CDIP1: variants seen among roughly 807,000 people sequenced by gnomAD.
CDIP1 encodes cell death inducing p53 target 1.
A neutral mutation model predicts 17.7 loss-of-function variants in CDIP1; 9 were observed. The ratio of observed to expected loss-of-function variants is 0.51; its 90% CI spans 0.31 to 0.89. CDIP1 has a LOEUF of 0.89. CDIP1 is among the 40% of genes least tolerant of loss of function. The pLI is 0.05. For missense variants in CDIP1, 263 were observed against 277.9 expected (o/e 0.95, Z 0.38); for synonymous variants, 117 against 109.5 (o/e 1.07, Z -0.43).
rs1471358458 is a variant in CDIP1, at chr16:4,513,637, G to A, written c.241+59C>T. 9.4e-6 allele frequency: 14 copies of A among 1,491,466 alleles called. No homozygotes were observed. The highest frequency in any genetic ancestry group is 2.1e-4 in the Middle Eastern group (1 of 4,778). 92.4% of individuals were successfully genotyped at this position (1,491,466 alleles called of 1,614,324 possible). A position where few individuals can be genotyped will look rare whatever the true frequency, so the allele number is the denominator to read the frequency against. On this transcript the variant is annotated intron_variant, in intron 4 of 5. Transcript: ENST00000567695. This position sits in a 1 kb window ranked among gnomAD's most constrained non-coding sequence, Gnocchi z 4.1. The stretch of plus-strand genomic sequence containing the variant: ...CCCACCTGTACTGAGGACAGCCAGC[G>A]CAGGCCAGACAGCAGCCAGGAGTTC...
intron 1 of CDIP1, among the ~76,000 whole-genome samples, chr16:4,527,356 C>T (rs1185410096): frequency 2.0e-5 from 3 of 152,004 alleles, no homozygotes; most frequent in Middle Eastern, 6.3e-3. Context: ...CAAAGTGCTG[C>T]GATTACAGGC....
intron 1 of CDIP1, chr16:4,536,349 C>T (rs1248372186): frequency 6.6e-6 from 1 of 152,196 alleles, no homozygotes; most frequent in Non-Finnish European, 1.5e-5. Context: ...AGTCCATCAA[C>T]ACCATGAGCT....
intron 1 of CDIP1, among the ~76,000 whole-genome samples, chr16:4,531,554 C>T (rs1167730708): frequency 6.6e-6 from 1 of 152,166 alleles, no homozygotes; most frequent in Non-Finnish European, 1.5e-5. Flanking sequence ...TACTAAGCAC[C>T]CATGGAAGAC....
chr16:4,534,127 T>A (rs934046555), intron 1 of CDIP1, among the ~76,000 whole-genome samples: 6 of 151,998 alleles, frequency 3.9e-5, no homozygotes, highest in African/African-American at 1.4e-4. Flanking sequence ...ATTTTTGTAT[T>A]TTTAGTAGAG....
Position 4,512,324 on chromosome 16 carries a change from C to G in CDIP1, c.*248G>C. The G allele has an allele frequency of 3.5e-6, 2 of 578,334 alleles. No homozygotes were observed. Among genetic ancestry groups the G allele is most frequent in the South Asian group, 2.0e-5 (1 of 49,680 alleles). The allele number at this position is 578,334 out of a possible 1,614,324, so 35.8% of individuals were successfully genotyped here. ...TATCTTCCCGATCACACACACCAAG[C>G]AGACCAACAACACACAAGCTCATTG... On this transcript the variant is annotated 3_prime_UTR_variant, in exon 6 of 6. Transcript: ENST00000567695. This position sits in a 1 kb window ranked among gnomAD's most constrained non-coding sequence, Gnocchi z 4.6.
rs1174549769 is a variant in CDIP1, at chr16:4,534,143, G to A, written c.-105+4559C>T. 3.3e-5 allele frequency among the ~76,000 whole-genome samples: 5 copies of A among 151,980 alleles called. No homozygotes were observed. In the East Asian group the frequency reaches 9.6e-4, roughly 29 times the overall value. ...TTTTTGTATTTTTAGTAGAGGCGGG[G>A]TTTCACCATGTTGGCCAGGCTGGTC... On this transcript the variant is annotated intron_variant, in intron 1 of 5. Transcript: ENST00000567695.
At chr16:4,516,087 T>C (rs1435653386) in intron 1 of CDIP1, among the ~76,000 whole-genome samples, 2 of 152,186 alleles carry the variant, frequency 1.3e-5, no homozygotes, top group Non-Finnish European at 2.9e-5. Context: ...GGAAGACGAT[T>C]CGGCTATAAA....
At chr16:4,518,321 G>C (rs111699821) in intron 1 of CDIP1, among the ~76,000 whole-genome samples, 1 of 152,214 alleles carries the variant, frequency 6.6e-6, no homozygotes, top group Admixed American at 6.5e-5. Context: ...ATGATGATAG[G>C]GTGTAAGCCC....
chr16:4,530,255 C>T (rs2059041472), intron 1 of CDIP1, among the ~76,000 whole-genome samples: 1 of 152,198 alleles, frequency 6.6e-6, no homozygotes, highest in Non-Finnish European at 1.5e-5. Context: ...AATTAGTTAA[C>T]TGAGTTTCTA....
chr16:4,517,379 C>A (rs1419659155), intron 1 of CDIP1, among the ~76,000 whole-genome samples: 3 of 152,092 alleles, frequency 2.0e-5, no homozygotes, highest in Non-Finnish European at 2.9e-5. Flanking sequence ...AAGTCTAGGA[C>A]CCCAGCATGA....
intron 1 of CDIP1, among the ~76,000 whole-genome samples, chr16:4,522,104 C>T (rs796166949): frequency 9.8e-5 from 15 of 152,320 alleles, no homozygotes; most frequent in African/African-American, 3.4e-4. Context: ...GAGGGACTTG[C>T]AATCAAAACC....
chr16:4,522,381 G>C (rs1331217503), intron 1 of CDIP1: 1 of 152,308 alleles, frequency 6.6e-6, no homozygotes, highest in African/African-American at 2.4e-5. Flanking sequence ...CTCAGAGCTG[G>C]GCTGGCTTGG....
At chr16:4,524,092 A>C (rs1331094281) in intron 1 of CDIP1, 1 of 152,172 alleles carries the variant, frequency 6.6e-6, no homozygotes, top group African/African-American at 2.4e-5. Flanking sequence ...TCTCCCTGGG[A>C]CCCTGCCTCG....
Position 4,514,222 on chromosome 16 carries a change from A to G in CDIP1, c.-14-78T>C, listed in dbSNP as rs1368908542. 3.8e-6 allele frequency: 3 copies of G among 796,018 alleles called. No homozygotes were observed. The highest frequency in any genetic ancestry group is 5.9e-6 in the Non-Finnish European group (3 of 505,810). 49.3% of individuals were successfully genotyped at this position (796,018 alleles called of 1,614,324 possible). ...TCTCCTTCAGCCCTGTGGGGTGGCC[A>G]AGATGCTGCACAAGGCGTGTGACCA... On this transcript the variant is annotated intron_variant, in intron 2 of 5. Transcript: ENST00000567695. The surrounding 1 kb of genome is among the most constrained non-coding windows in gnomAD (Gnocchi z 5.2).
chr16:4,532,950 A>C (rs1425128848), intron 1 of CDIP1: 2 of 152,234 alleles, frequency 1.3e-5, no homozygotes, highest in African/African-American at 4.8e-5. Flanking sequence ...TTCAAGGATG[A>C]GGCCGTTTCA....
Position 4,513,949 on chromosome 16 carries a change from G to T in CDIP1, c.85+97C>A. The T allele has an allele frequency of 7.2e-7, 1 of 1,381,106 alleles. No homozygotes were observed. Among genetic ancestry groups the T allele is most frequent in the Non-Finnish European group, 9.8e-7 (1 of 1,019,614 alleles). 85.6% of individuals were successfully genotyped at this position (1,381,106 alleles called of 1,614,324 possible). A position where few individuals can be genotyped will look rare whatever the true frequency, so the allele number is the denominator to read the frequency against. On this transcript the variant is annotated intron_variant, in intron 3 of 5. Coordinates refer to ENST00000567695, the MANE Select transcript of CDIP1 (RefSeq NM_013399.3). This position sits in a 1 kb window ranked among gnomAD's most constrained non-coding sequence, Gnocchi z 4.1. Reference sequence around the variant, plus strand: ...TTTTGGGACACAGATGGGGCCCAGGGGTAACCCTGGAGTGGGCATCACCAC... The same window carrying T: ...TTTTGGGACACAGATGGGGCCCAGGTGTAACCCTGGAGTGGGCATCACCAC...
chr16:4,522,182 T>C (rs1375108238), intron 1 of CDIP1, among the ~76,000 whole-genome samples: 1 of 152,186 alleles, frequency 6.6e-6, no homozygotes, highest in Admixed American at 6.5e-5. Flanking sequence ...TGCTCCACGG[T>C]AACCCGAGAC....
intron 1 of CDIP1, among the ~76,000 whole-genome samples, chr16:4,521,791 G>C (rs1418172492): frequency 6.6e-6 from 1 of 151,376 alleles, no homozygotes; most frequent in African/African-American, 2.4e-5. Context: ...CTTTCCAGCT[G>C]AGCGAGCTGA....
chr16:4,531,745 CT>C (rs1233811652), intron 1 of CDIP1, among the ~76,000 whole-genome samples: 1 of 152,234 alleles, frequency 6.6e-6, no homozygotes, highest in Non-Finnish European at 1.5e-5. Context: ...AGCCCTGTTT[CT>C]TTTCTCACAC....
Sources: allele counts gnomAD v4.1 joint callset (sites outside exome capture counted in the v4.1 genomes callset), GRCh38; gene constraint gnomAD v4.1.1; non-coding constraint Gnocchi (gnomAD v3.1); transcripts MANE v1.5; gene names NCBI Gene and HGNC (gene_info 2026-07-23, HGNC 2026-07-21).